The following GNB1L variants were observed in gnomAD, a reference collection of about 807,000 sequenced individuals.
The protein encoded by GNB1L is G protein subunit beta 1 like, also known as guanine nucleotide-binding protein subunit beta-like protein 1.
Under a neutral mutation model 29.1 loss-of-function variants are expected in GNB1L, and 20 were observed. That is an observed-to-expected ratio of 0.69 (90% CI 0.48 to 1.00). The LOEUF (loss-of-function observed/expected upper bound fraction) is 1.00. Among genes scored for constraint, GNB1L ranks in the 50% least tolerant of loss-of-function variants. The pLI, the probability that GNB1L is intolerant of heterozygous loss-of-function variation, is 0.00. For missense variants in GNB1L, 421 were observed against 464.9 expected (o/e 0.91, Z 0.87); for synonymous variants, 193 against 206.5 (o/e 0.93, Z 0.56).
intron 2 of GNB1L, chr22:19,846,613 A>G: frequency 2.1e-6 from 2 of 935,704 alleles, no homozygotes; most frequent in Non-Finnish European, 2.5e-6. Context: ...TTTATGTTCA[A>G]GTCCTAACCC....
At chr22:19,827,774 A>C (rs1238058921) in intron 2 of GNB1L, among the ~76,000 whole-genome samples, 1 of 152,228 alleles carries the variant, frequency 6.6e-6, no homozygotes, top group African/African-American at 2.4e-5. Flanking sequence ...TTTGGAAAAC[A>C]ATCTGACTCC....
At chr22:19,810,309 C>A (rs573847416) in intron 5 of GNB1L, among the ~76,000 whole-genome samples, 16 of 152,206 alleles carry the variant, frequency 1.1e-4, no homozygotes, top group Non-Finnish European at 2.1e-4. Flanking sequence ...CTCCAAAAGA[C>A]CCCTCTGGGG....
chr22:19,847,104 G>T, intron 2 of GNB1L: 1 of 985,434 alleles, frequency 1.0e-6, no homozygotes, highest in Non-Finnish European at 1.2e-6. Flanking sequence ...CCACAGAAAT[G>T]GAAGTGGGGT....
At chr22:19,812,100 C>G (rs1287852357) in intron 5 of GNB1L, among the ~76,000 whole-genome samples, 185 bp downstream of exon 5, 1 of 152,268 alleles carries the variant, frequency 6.6e-6, no homozygotes, top group Non-Finnish European at 1.5e-5. Flanking sequence ...GGCTCATCAG[C>G]AAGGCCACCC....
intron 2 of GNB1L, among the ~76,000 whole-genome samples, chr22:19,826,479 C>T (rs938224179): frequency 6.6e-6 from 1 of 152,200 alleles, no homozygotes; most frequent in Non-Finnish European, 1.5e-5. Context: ...ACTAGACCCA[C>T]AGAGCAGAGC....
At chr22:19,822,981 G>A (rs1171553012) in intron 2 of GNB1L, among the ~76,000 whole-genome samples, 1 of 152,192 alleles carries the variant, frequency 6.6e-6, no homozygotes, top group Non-Finnish European at 1.5e-5. Context: ...GCAGAGTGGA[G>A]GGTGGACAGC....
chr22:19,853,916 C>A (rs1456800181), intron 2 of GNB1L, among the ~76,000 whole-genome samples: 2 of 152,210 alleles, frequency 1.3e-5, no homozygotes, highest in African/African-American at 4.8e-5. Flanking sequence ...AATGACCACA[C>A]CCCATGCCCG....
intron 2 of GNB1L, among the ~76,000 whole-genome samples, chr22:19,821,619 CTGGGGG>C (rs1937580007): frequency 3.3e-5 from 5 of 152,212 alleles, no homozygotes; most frequent in Non-Finnish European, 7.4e-5. Context: ...TCCCCCACTG[CTGGGGG>C]AACTGGGAGC....
chr22:19,822,626 G>A lies in GNB1L; in HGVS notation c.-20-1251C>T, dbSNP rs113061245. Among the ~76,000 whole-genome samples the A allele has an allele frequency of 1.7e-3, 261 of 152,380 alleles. 1 individual carries two copies. Among genetic ancestry groups the A allele is most frequent in the African/African-American group, 6.0e-3 (249 of 41,594 alleles). On this transcript the variant is annotated intron_variant, in intron 2 of 7. Coordinates refer to ENST00000329517, the MANE Select transcript of GNB1L (RefSeq NM_053004.3). Reference sequence around the variant, plus strand: ...CTTTCCCACTGGGCTCTGGGACAGTGGGGCAGGCCCCGGCCCAGCCACCTG... The same window carrying A: ...CTTTCCCACTGGGCTCTGGGACAGTAGGGCAGGCCCCGGCCCAGCCACCTG...
chr22:19,802,226 A>T lies in GNB1L; in HGVS notation c.517-10T>A. 6.2e-7 allele frequency: 1 copy of T among 1,610,070 alleles called. No homozygotes were observed. The highest frequency in any genetic ancestry group is 8.5e-7 in the Non-Finnish European group (1 of 1,178,598). The stretch of plus-strand genomic sequence containing the variant: ...GGGAGCTGCAGTCGGCCTGCGGGGA[A>T]CAGCAGAGCAGTCAGCTCCTGGAAG... On this transcript the variant is annotated splice_polypyrimidine_tract_variant and intron_variant, in intron 6 of 7. Coordinates refer to ENST00000329517, the MANE Select transcript of GNB1L (RefSeq NM_053004.3).
chr22:19,824,495 T>G (rs980227742), intron 2 of GNB1L, among the ~76,000 whole-genome samples: 1 of 152,370 alleles, frequency 6.6e-6, no homozygotes, highest in East Asian at 1.9e-4. Flanking sequence ...GTGAGCCACA[T>G]TCTTTGAAAA....
chr22:19,853,740 A>C (rs1006943652), intron 2 of GNB1L, among the ~76,000 whole-genome samples: 1 of 152,090 alleles, frequency 6.6e-6, no homozygotes, highest in African/African-American at 2.4e-5. Flanking sequence ...CTTCACCTGA[A>C]AGCCCAGCCC....
intron 7 of GNB1L, among the ~76,000 whole-genome samples, chr22:19,792,102 G>T (rs1884496756): frequency 6.6e-6 from 1 of 152,186 alleles, no homozygotes; most frequent in African/African-American, 2.4e-5. Context: ...CATTTACCAT[G>T]TCTGGCACAC....
chr22:19,831,221 G>T (rs11089311), intron 2 of GNB1L, among the ~76,000 whole-genome samples: 24 of 151,704 alleles, frequency 1.6e-4, no homozygotes, highest in African/African-American at 5.8e-4. Flanking sequence ...TTATCTGGGC[G>T]CGGTGGCAAG....
rs148659903 is a variant in GNB1L, at chr22:19,821,995, C to T, written c.-20-620G>A. Among the ~76,000 whole-genome samples the T allele has an allele frequency of 8.5e-3, 1,295 of 152,306 alleles. 19 individuals carry two copies. The highest frequency in any genetic ancestry group is 0.03 in the African/African-American group (1,250 of 41,564). On this transcript the variant is annotated intron_variant, in intron 2 of 7. Transcript: ENST00000329517. ...CTCCCTTCTTCTCTCCTCCCTGCTGCCACCTCTGCCCATGGCCAGCTCAGG... is the reference window on the plus strand; with the variant it reads ...CTCCCTTCTTCTCTCCTCCCTGCTGTCACCTCTGCCCATGGCCAGCTCAGG...
intron 2 of GNB1L, among the ~76,000 whole-genome samples, chr22:19,826,494 G>A (rs1006187289): frequency 1.3e-5 from 2 of 152,164 alleles, no homozygotes; most frequent in African/African-American, 2.4e-5. Context: ...CAGAGCACTC[G>A]GGTATATAAG....
At chr22:19,805,107 T>A (rs1287346555) in intron 6 of GNB1L, among the ~76,000 whole-genome samples, 1 of 151,914 alleles carries the variant, frequency 6.6e-6, no homozygotes, top group African/African-American at 2.4e-5. Context: ...CCGAGTTTCA[T>A]CATCTCAGGT....
At chr22:19,802,801 C>T (rs905404001) in intron 6 of GNB1L, among the ~76,000 whole-genome samples, 12 of 152,224 alleles carry the variant, frequency 7.9e-5, no homozygotes, top group Non-Finnish European at 1.6e-4. Context: ...TGAAGCCTGG[C>T]GTGAGCCGCC....
At chr22:19,802,394 CT>C (rs1937385302) in intron 6 of GNB1L, among the ~76,000 whole-genome samples, 178 bp from the exon 7 acceptor site, 1 of 152,222 alleles carries the variant, frequency 6.6e-6, no homozygotes, top group Admixed American at 6.5e-5. Context: ...CACACAGCCC[CT>C]GGATGGCTGA....
Sources: allele counts gnomAD v4.1 joint callset (sites outside exome capture counted in the v4.1 genomes callset), GRCh38; gene constraint gnomAD v4.1.1; transcripts MANE v1.5; gene names NCBI Gene and HGNC (gene_info 2026-07-23, HGNC 2026-07-21).